PLEKHG3: variants seen among roughly 807,000 people sequenced by gnomAD.
PLEKHG3 encodes pleckstrin homology domain-containing family G member 3.
In PLEKHG3, 62 loss-of-function variants were observed where a neutral mutation model predicts 94.9. The ratio of observed to expected loss-of-function variants is 0.65; its 90% confidence interval spans 0.53 to 0.81. The LOEUF is 0.81. Among genes scored for constraint, PLEKHG3 ranks in the 30% least tolerant of loss-of-function variants. The probability of loss-of-function intolerance (pLI) is 0.00; values close to 1 mark genes in which losing one functional copy is unlikely to be tolerated. For missense variants in PLEKHG3, 1,461 were observed against 1,619.3 expected, an observed-to-expected ratio of 0.90 and a Z score of 1.68; for synonymous variants, 614 against 654.0, an observed-to-expected ratio of 0.94 and a Z score of 0.93.
At position 64,744,061 on chromosome 14, in the gene PLEKHG3, C is replaced by A; in HGVS notation, c.*358C>A. On this transcript the variant is annotated 3_prime_UTR_variant, in exon 17 of 17. Coordinates refer to ENST00000247226, the MANE Select transcript of PLEKHG3 (RefSeq NM_001308147.2). ...ATGGCCACAGCCAGATGGAGGAGCC[C>A]ATCCCCAGGAGACTCAGGCAGTGGC... 1 of 190,378 alleles carries A rather than the reference C, an allele frequency of 5.3e-6. No homozygotes were observed. The highest frequency in any genetic ancestry group is 1.1e-5 in the Non-Finnish European group (1 of 93,398). The allele number at this position is 190,378 out of a possible 1,614,324, so 11.8% of individuals were successfully genotyped here. A position where few individuals can be genotyped will look rare whatever the true frequency, so the allele number is the denominator to read the frequency against.
Position 64,709,938 on chromosome 14 carries a change from G to T in PLEKHG3, c.-40+5234G>T, listed in dbSNP as rs185467579. Reference sequence around the variant, plus strand: ...TTAAGGAAATGCTCACACTATGAATGTTCTGTTCCTGACAGAGAATGTCCA... The same window carrying T: ...TTAAGGAAATGCTCACACTATGAATTTTCTGTTCCTGACAGAGAATGTCCA... On this transcript the variant is annotated intron_variant, in intron 1 of 16. Coordinates refer to ENST00000247226, the MANE Select transcript of PLEKHG3 (RefSeq NM_001308147.2). Among the ~76,000 whole-genome samples the T allele has an allele frequency of 2.0e-5, 3 of 152,316 alleles. No individual in the cohort carries two copies. In the East Asian group the frequency reaches 5.8e-4, roughly 29 times the overall value.
chr14:64,714,225 A>G (rs2081102758), intron 1 of PLEKHG3, among the ~76,000 whole-genome samples: 1 of 152,164 alleles, frequency 6.6e-6, no homozygotes, highest in Non-Finnish European at 1.5e-5. Context: ...AAGGTTTTGG[A>G]AGCGTGCACT....
At chr14:64,740,577 G>C (rs2081666226) in intron 15 of PLEKHG3, among the ~76,000 whole-genome samples, 1 of 152,230 alleles carries the variant, frequency 6.6e-6, no homozygotes, top group African/African-American at 2.4e-5. Context: ...ATGTTGTGCA[G>C]GTCTGGGTTT....
Position 64,738,094 on chromosome 14 carries a change from A to C in PLEKHG3, c.1405-648A>C. 1 of 1,303,808 alleles carries C rather than the reference A, an allele frequency of 7.7e-7. No homozygotes were observed. Among genetic ancestry groups the C allele is most frequent in the Non-Finnish European group, 1.0e-6 (1 of 996,872 alleles). 80.8% of individuals were successfully genotyped at this position (1,303,808 alleles called of 1,614,324 possible). On this transcript the variant is annotated intron_variant, in intron 14 of 16. Coordinates refer to ENST00000247226, the MANE Select transcript of PLEKHG3 (RefSeq NM_001308147.2). This position sits in a 1 kb window ranked among gnomAD's most constrained non-coding sequence, Gnocchi z 4.8. Reference sequence around the variant, plus strand: ...GGGCCGGAGCCCCCAGGCTCAGAGGAGGAGGAGGAGGAGCAGGAGGAGAGC... The same window carrying C: ...GGGCCGGAGCCCCCAGGCTCAGAGGCGGAGGAGGAGGAGCAGGAGGAGAGC...
intron 12 of PLEKHG3, 39 bp from the exon 13 acceptor site, chr14:64,736,814 C>G (rs201799777): frequency 5.2e-5 from 80 of 1,552,736 alleles, no homozygotes; most frequent in Middle Eastern, 3.5e-4. Flanking sequence ...ACAGCAGTTT[C>G]CTGGCCCGCG....
chr14:64,719,550 G>A (rs2081227854), intron 1 of PLEKHG3, among the ~76,000 whole-genome samples: 2 of 151,872 alleles, frequency 1.3e-5, no homozygotes, highest in Admixed American at 1.3e-4. Flanking sequence ...AAGTCAAATG[G>A]GGTCTGCCTG....
At chr14:64,724,145 T>G (rs146031007) in intron 1 of PLEKHG3, among the ~76,000 whole-genome samples, 6 of 152,048 alleles carry the variant, frequency 3.9e-5, no homozygotes, top group African/African-American at 1.2e-4. Context: ...GGGAGGCACT[T>G]TAACTGTCTC....
chr14:64,731,440 G>A lies in PLEKHG3; in HGVS notation c.929G>A (p.Arg310His), dbSNP rs781274507. 7 of 1,613,658 alleles carry A rather than the reference G, an allele frequency of 4.3e-6. No homozygotes were observed. Among genetic ancestry groups the A allele is most frequent in the Admixed American group, 1.7e-5 (1 of 60,000 alleles). The change falls in exon 8 of 17, where the codon CGC becomes CAC. Residue 310 changes from arginine to histidine, a missense_variant. Physicochemically the swap from Arg to His is conservative, Grantham distance 29. Coordinates refer to ENST00000247226, the MANE Select transcript of PLEKHG3 (RefSeq NM_001308147.2). This position sits in a 1 kb window ranked among gnomAD's most constrained non-coding sequence, Gnocchi z 6.1. The stretch of plus-strand genomic sequence containing the variant: ...GAGCTTGTCCTGGAGGGCACATTCC[G>A]CGTGCATCGCGTGCGCAATGAAAGG... ...YGELVLEGTFRVHRVRNERTF... is the reference protein window; with the variant it reads ...YGELVLEGTFHVHRVRNERTF...
In PLEKHG3 at chr14:64,705,108, G is replaced by A. The variant is rs925507346; in HGVS notation, c.-40+404G>A. On this transcript the variant is annotated intron_variant, in intron 1 of 16. Transcript: ENST00000247226. Reference sequence around the variant, plus strand: ...CTTCTGCGCGAGGACCCGAGCCTCGGCTCCTGCCAGCCCCGGAGGCGCCTG... The same window carrying A: ...CTTCTGCGCGAGGACCCGAGCCTCGACTCCTGCCAGCCCCGGAGGCGCCTG... Among the ~76,000 whole-genome samples the A allele has an allele frequency of 2.6e-5, 4 of 152,172 alleles. No individual in the cohort carries two copies. In the East Asian group the frequency reaches 5.8e-4, roughly 22 times the overall value.
intron 12 of PLEKHG3, among the ~76,000 whole-genome samples, chr14:64,735,952 A>C (rs990183949): frequency 6.6e-6 from 1 of 152,286 alleles, no homozygotes; most frequent in Non-Finnish European, 1.5e-5. Flanking sequence ...TTAGGCATTT[A>C]CTTACATTGA....
At position 64,744,117 on chromosome 14, in the gene PLEKHG3, T is replaced by C. The variant is rs894904950; in HGVS notation, c.*414T>C. ...GAGGCTTTGTTCTGTAACGGTGCCT[T>C]TTCTTAGGGTCCAGGCAGGAATGAA... On this transcript the variant is annotated 3_prime_UTR_variant, in exon 17 of 17. Transcript: ENST00000247226. The C allele has an allele frequency of 6.2e-6, 1 of 162,314 alleles. No homozygotes were observed. The highest frequency in any genetic ancestry group is 2.4e-5 in the African/African-American group (1 of 41,784). The allele number at this position is 162,314 out of a possible 1,614,324, so 10.1% of individuals were successfully genotyped here.
rs2081188883 is a variant in PLEKHG3 at position 64,717,452 on chromosome 14, G to A, written c.-39-10141G>A. ...TTGGGAAGGGAAAGTGAGAACTGGGGGAAGGAAAAAACCCTTGGGTAGTAA... is the reference window on the plus strand; with the variant it reads ...TTGGGAAGGGAAAGTGAGAACTGGGAGAAGGAAAAAACCCTTGGGTAGTAA... On this transcript the variant is annotated intron_variant, in intron 1 of 16. Coordinates refer to ENST00000247226, the MANE Select transcript of PLEKHG3 (RefSeq NM_001308147.2). This position sits in a 1 kb window ranked among gnomAD's most constrained non-coding sequence, Gnocchi z 4.7. 6.6e-6 allele frequency among the ~76,000 whole-genome samples: 1 copy of A among 152,030 alleles called. No homozygotes were observed. The highest frequency in any genetic ancestry group is 2.4e-5 in the African/African-American group (1 of 41,394).
rs1057279046 is a variant in PLEKHG3 at position 64,747,822 on chromosome 14, C to G, written c.*4119C>G. 7.1e-6 allele frequency: 1 copy of G among 141,564 alleles called. No homozygotes were observed. The highest frequency in any genetic ancestry group is 2.6e-5 in the African/African-American group (1 of 39,048). 8.8% of individuals were successfully genotyped at this position (141,564 alleles called of 1,614,324 possible). On this transcript the variant is annotated 3_prime_UTR_variant, in exon 17 of 17. Coordinates refer to ENST00000247226, the MANE Select transcript of PLEKHG3 (RefSeq NM_001308147.2). ...TCCGCCCTCCCCCCCACCCCCGACCCGCTTGACTGCTCTCTTGGACCTAAC... is the reference window on the plus strand; with the variant it reads ...TCCGCCCTCCCCCCCACCCCCGACCGGCTTGACTGCTCTCTTGGACCTAAC...
rs369261568 is a variant in PLEKHG3, at chr14:64,736,940, G to A, written c.1384+49G>A. ...ATTCCCAGTGAGCGGGGGAGGAGGA[G>A]GGAGGAGGGGAAGCAGCCGACAACC... is the stretch of plus-strand genomic sequence containing the variant. On this transcript the variant is annotated intron_variant, in intron 13 of 16. Transcript: ENST00000247226. 1.2e-4 allele frequency: 169 copies of A among 1,454,108 alleles called. 1 individual carries two copies. Among genetic ancestry groups the A allele is most frequent in the Non-Finnish European group, 1.6e-4 (164 of 1,034,848 alleles). 90.1% of individuals were successfully genotyped at this position (1,454,108 alleles called of 1,614,324 possible). A position where few individuals can be genotyped will look rare whatever the true frequency, so the allele number is the denominator to read the frequency against.
rs149822835 is a variant in PLEKHG3 at position 64,730,861 on chromosome 14, G to A, written c.629G>A (p.Arg210Gln). ...CAGCAGGCCAAGTTCTTTCGGGACC[G>A]GCAGGAGCTGCTACAGCACTCGCTG... ...DKQQAKFFRDRQELLQHSLPL... is the reference protein window; with the variant it reads ...DKQQAKFFRDQQELLQHSLPL... The change falls in exon 6 of 17, where the codon CGG (arginine) becomes CAG (glutamine). Residue 210 changes from arginine (R) to glutamine (Q), a missense_variant. Physicochemically the swap from Arg to Gln is conservative, Grantham distance 43. Coordinates refer to ENST00000247226, the MANE Select transcript of PLEKHG3 (RefSeq NM_001308147.2). This position sits in a 1 kb window ranked among gnomAD's most constrained non-coding sequence, Gnocchi z 5.4. The A allele has an allele frequency of 5.2e-4, 846 of 1,613,162 alleles. 3 individuals carry two copies. In the African/African-American group the frequency reaches 0.01, roughly 19 times the overall value.
chr14:64,709,560 T>A (rs1459628840), intron 1 of PLEKHG3, among the ~76,000 whole-genome samples: 4 of 152,084 alleles, frequency 2.6e-5, no homozygotes, highest in Non-Finnish European at 5.9e-5. Flanking sequence ...TTGAGGGTCC[T>A]AGAAGTTGAT....
chr14:64,741,651 C>A lies in PLEKHG3; in HGVS notation c.2134C>A (p.Arg712=), dbSNP rs879207272. 1.2e-6 allele frequency: 2 copies of A among 1,612,976 alleles called. No homozygotes were observed. Among genetic ancestry groups the A allele is most frequent in the Non-Finnish European group, 8.5e-7 (1 of 1,180,038 alleles). Residue 712 remains arginine, a synonymous_variant, in exon 16 of 17, where the codon CGA becomes AGA. Transcript: ENST00000247226. ...GAAGAAGGAATCAGCACTCTCCACCCGAGACCGGCTGTTGCTAGACAAGAT... is the reference window on the plus strand; with the variant it reads ...GAAGAAGGAATCAGCACTCTCCACCAGAGACCGGCTGTTGCTAGACAAGAT... The part of the protein sequence containing the change: ...CKKKESALST[R]DRLLLDKIKS...
chr14:64,708,932 A>G (rs921539454), intron 1 of PLEKHG3, among the ~76,000 whole-genome samples: 2 of 151,220 alleles, frequency 1.3e-5, no homozygotes, highest in Non-Finnish European at 2.9e-5. Flanking sequence ...AGATGATCTG[A>G]TATTAGAGGA....
chr14:64,740,082 C>T (rs569273365), intron 15 of PLEKHG3, among the ~76,000 whole-genome samples: 8 of 152,224 alleles, frequency 5.3e-5, no homozygotes, highest in Admixed American at 3.3e-4. Flanking sequence ...ATGTTTTATC[C>T]CTTTTTTTAT....
Sources: allele counts gnomAD v4.1 joint callset (sites outside exome capture counted in the v4.1 genomes callset), GRCh38; gene constraint gnomAD v4.1.1; non-coding constraint Gnocchi (gnomAD v3.1); transcripts MANE v1.5; gene names NCBI Gene and HGNC (gene_info 2026-07-23, HGNC 2026-07-21).